Variants in KBTBD12 observed in about 807,000 individuals in gnomAD.
KBTBD12 encodes kelch repeat and BTB domain-containing protein 12.
KBTBD12 carries 53 observed loss-of-function variants against 58.7 expected under a neutral mutation model. The observed-to-expected ratio is 0.90, with a 90% CI of 0.72 to 1.14. The LOEUF (loss-of-function observed/expected upper bound fraction) is 1.14, where lower values mean the gene tolerates loss of function less well. Ranked by LOEUF, KBTBD12 falls within the 50% of genes most tolerant of loss-of-function variation. The pLI, the probability that KBTBD12 is intolerant of heterozygous loss-of-function variation, is 0.00. For synonymous variants in KBTBD12, 236 were observed against 259.8 expected (o/e 0.91, Z 0.88); for missense variants, 704 against 751.3 (o/e 0.94, Z 0.74).
At chr3:127,920,010 C>T (rs1451520531) in intron 1 of KBTBD12, among the ~76,000 whole-genome samples, 2 of 152,218 alleles carry the variant, frequency 1.3e-5, no homozygotes, top group African/African-American at 4.8e-5. Flanking sequence ...AACTCCTTGT[C>T]ATCCTTCCCC....
At chr3:127,960,617 A>T (rs981752363) in intron 4 of KBTBD12, among the ~76,000 whole-genome samples, 1 of 152,206 alleles carries the variant, frequency 6.6e-6, no homozygotes, top group African/African-American at 2.4e-5. Flanking sequence ...TCATTTGATT[A>T]TTTACCTAAT....
chr3:127,933,339 G>A (rs968635228), intron 4 of KBTBD12, among the ~76,000 whole-genome samples: 1 of 151,978 alleles, frequency 6.6e-6, no homozygotes, highest in East Asian at 1.9e-4. Flanking sequence ...TTTTGCCAAA[G>A]GGGGCTGACA....
At chr3:127,982,833 T>C (rs952954477) in intron 5 of KBTBD12, among the ~76,000 whole-genome samples, 2 of 152,230 alleles carry the variant, frequency 1.3e-5, no homozygotes, top group African/African-American at 4.8e-5. Flanking sequence ...TGATTAGTGC[T>C]GGGTACTGTG....
intron 5 of KBTBD12, among the ~76,000 whole-genome samples, chr3:127,974,529 C>G (rs1257555330): frequency 1.3e-5 from 2 of 152,158 alleles, no homozygotes; most frequent in Admixed American, 1.3e-4. Context: ...AACCTCCTGT[C>G]CCTTAAGAGT....
intron 1 of KBTBD12, among the ~76,000 whole-genome samples, chr3:127,916,806 G>A (rs1240107557): frequency 6.6e-6 from 1 of 151,826 alleles, no homozygotes; most frequent in Non-Finnish European, 1.5e-5. Flanking sequence ...CCAAATCCCA[G>A]ACAGCAAATG....
Position 127,984,012 on chromosome 3 carries a change from G to T in KBTBD12, c.1691-85G>T, listed in dbSNP as rs577259263. 4.9e-5 allele frequency: 51 copies of T among 1,040,750 alleles called. No homozygotes were observed. In the African/African-American group the frequency reaches 6.8e-4, roughly 14 times the overall value. The allele number at this position is 1,040,750 out of a possible 1,614,324, so 64.5% of individuals were successfully genotyped here. ...AAGTGGACTAAGACATTGCCTTTTG[G>T]AGGAAGTTACTCAGTATGGTGCTGA... On this transcript the variant is annotated intron_variant, in intron 5 of 5. Coordinates refer to ENST00000405109, the MANE Select transcript of KBTBD12 (RefSeq NM_207335.4).
intron 4 of KBTBD12, among the ~76,000 whole-genome samples, chr3:127,958,225 G>A (rs768129398): frequency 3.3e-5 from 5 of 152,142 alleles, no homozygotes; most frequent in Non-Finnish European, 5.9e-5. Context: ...GAGGCACTGA[G>A]GAGGTACAGT....
intron 5 of KBTBD12, among the ~76,000 whole-genome samples, chr3:127,971,037 A>G (rs1030436300): frequency 1.3e-5 from 2 of 152,186 alleles, no homozygotes; most frequent in African/African-American, 4.8e-5. Context: ...GACACTAATG[A>G]GGAGAATTAA....
intron 4 of KBTBD12, among the ~76,000 whole-genome samples, chr3:127,938,988 C>T (rs896007127): frequency 3.9e-5 from 6 of 152,162 alleles, no homozygotes; most frequent in African/African-American, 1.2e-4. Flanking sequence ...CTGAAGTCAA[C>T]GCAACTAGAA....
At chr3:127,931,485 C>T (rs887518393) in intron 4 of KBTBD12, among the ~76,000 whole-genome samples, 1 of 152,048 alleles carries the variant, frequency 6.6e-6, no homozygotes. Flanking sequence ...ATAGATGTAT[C>T]ACTCAAGGGG....
chr3:127,935,688 A>G (rs890430475), intron 4 of KBTBD12, among the ~76,000 whole-genome samples: 6 of 152,198 alleles, frequency 3.9e-5, no homozygotes, highest in South Asian at 2.1e-4. Flanking sequence ...TACAAGACAT[A>G]GAAAATAAGT....
At position 127,922,974 on chromosome 3, in the gene KBTBD12, C is replaced by T; in HGVS notation, c.-88C>T. 1 of 736,860 alleles carries T rather than the reference C, an allele frequency of 1.4e-6. No individual in the cohort carries two copies. The highest frequency in any genetic ancestry group is 2.3e-6 in the Non-Finnish European group (1 of 443,246). The allele number at this position is 736,860 out of a possible 1,614,324, so 45.6% of individuals were successfully genotyped here. A position where few individuals can be genotyped will look rare whatever the true frequency, so the allele number is the denominator to read the frequency against. On this transcript the variant is annotated 5_prime_UTR_variant, in exon 2 of 6. Coordinates refer to ENST00000405109, the MANE Select transcript of KBTBD12 (RefSeq NM_207335.4). ...GAAATGTTTCCTGACATCTTTGTAG[C>T]TTCATGAGTAATCAGACATGCAAAT... is the stretch of plus-strand genomic sequence containing the variant.
At chr3:127,939,455 T>C (rs144963393) in intron 4 of KBTBD12, among the ~76,000 whole-genome samples, 1,579 of 152,150 alleles carry the variant, frequency 0.01, 23 homozygotes, top group African/African-American at 0.036. Flanking sequence ...GTGTAATCTA[T>C]GAGACATATA....
At chr3:127,936,588 G>A (rs1033854443) in intron 4 of KBTBD12, among the ~76,000 whole-genome samples, 2 of 152,136 alleles carry the variant, frequency 1.3e-5, no homozygotes, top group Non-Finnish European at 2.9e-5. Context: ...CACACAATGG[G>A]TGTATAATGT....
intron 4 of KBTBD12, among the ~76,000 whole-genome samples, chr3:127,957,050 G>A (rs1020616373): frequency 1.3e-5 from 2 of 152,110 alleles, no homozygotes; most frequent in Non-Finnish European, 2.9e-5. Flanking sequence ...CTTTAAAGAG[G>A]AAAATATCGA....
intron 1 of KBTBD12, among the ~76,000 whole-genome samples, chr3:127,918,797 G>T (rs1165163884): frequency 1.3e-5 from 2 of 152,136 alleles, no homozygotes; most frequent in Admixed American, 6.5e-5. Context: ...ACTACTCAAA[G>T]ATTGAAAAAT....
intron 4 of KBTBD12, among the ~76,000 whole-genome samples, chr3:127,948,309 G>T (rs1325440076): frequency 1.3e-5 from 2 of 150,450 alleles, no homozygotes; most frequent in Non-Finnish European, 2.9e-5. Flanking sequence ...GCCTTGGGGA[G>T]TCCCTAGTTC....
intron 4 of KBTBD12, among the ~76,000 whole-genome samples, chr3:127,953,513 T>C (rs778018887): frequency 1.6e-4 from 24 of 152,246 alleles, no homozygotes; most frequent in Admixed American, 3.3e-4. Context: ...AACATTGTAT[T>C]ACCGGACATT....
At chr3:127,949,434 A>T (rs1348586191) in intron 4 of KBTBD12, among the ~76,000 whole-genome samples, 1 of 152,214 alleles carries the variant, frequency 6.6e-6, no homozygotes, top group Non-Finnish European at 1.5e-5. Context: ...AGGGAGAGCC[A>T]TTGAAGGATT....
Sources: gnomAD v4.1 joint callset for allele counts (sites outside exome capture counted in the v4.1 genomes callset) on GRCh38, gnomAD v4.1.1 for gene constraint, MANE v1.5 for transcripts, NCBI Gene and HGNC (gene_info 2026-07-23, HGNC 2026-07-21) for gene names.